The following STRA8 variants were observed in gnomAD, a reference collection of about 807,000 sequenced individuals.
STRA8 encodes stimulated by retinoic acid gene 8 protein homolog.
Under a neutral mutation model 37.1 loss-of-function variants are expected in STRA8, and 18 were observed. The observed-to-expected ratio is 0.48, with a 90% CI of 0.34 to 0.72. STRA8 has a LOEUF of 0.72. Ranked by LOEUF, STRA8 falls within the 30% of genes least tolerant of loss-of-function variation. The pLI, the probability that STRA8 is intolerant of heterozygous loss-of-function variation, is 0.01. For synonymous variants in STRA8, 168 were observed against 162.9 expected, an observed-to-expected ratio of 1.03 and a Z score of -0.24; for missense variants, 357 against 410.4, an observed-to-expected ratio of 0.87 and a Z score of 1.13.
At chr7:135,240,489 C>A (rs748354606) in intron 1 of STRA8, 30 bp from the exon 2 acceptor site, 6 of 1,410,232 alleles carry the variant, frequency 4.3e-6, no homozygotes, top group East Asian at 5.1e-5. Context: ...TTATCTAGGG[C>A]AAAAAAAAAA....
intron 8 of STRA8, among the ~76,000 whole-genome samples, chr7:135,256,454 C>T (rs1389084982): frequency 6.6e-6 from 1 of 152,170 alleles, no homozygotes; most frequent in Non-Finnish European, 1.5e-5. Flanking sequence ...CTTTGCCTCC[C>T]CTCCTTCTCC....
chr7:135,253,021 G>A (rs895684681), intron 7 of STRA8, among the ~76,000 whole-genome samples: 5 of 151,878 alleles, frequency 3.3e-5, no homozygotes, highest in Admixed American at 2.0e-4. Context: ...TGCAACCTCC[G>A]CCTCCTGGGT....
At chr7:135,254,781 C>T (rs1203957120) in intron 7 of STRA8, among the ~76,000 whole-genome samples, 1 of 152,184 alleles carries the variant, frequency 6.6e-6, no homozygotes, top group Non-Finnish European at 1.5e-5. Context: ...CCAGAGCTGC[C>T]TCAGCAGCCA....
At chr7:135,254,429 G>A (rs1832677663) in intron 7 of STRA8, among the ~76,000 whole-genome samples, 1 of 152,206 alleles carries the variant, frequency 6.6e-6, no homozygotes, top group Non-Finnish European at 1.5e-5. Flanking sequence ...GAAGCCCTTT[G>A]AAGCAGGGTC....
At chr7:135,234,779 A>G (rs569884513) in intron 1 of STRA8, among the ~76,000 whole-genome samples, 9 of 152,382 alleles carry the variant, frequency 5.9e-5, no homozygotes, top group Non-Finnish European at 1.0e-4. Flanking sequence ...AGAAGGTATC[A>G]ACGAAGCTGC....
Position 135,246,223 on chromosome 7 carries a change from T to A in STRA8, c.594-194T>A. 1.4e-6 allele frequency: 1 copy of A among 729,546 alleles called. No homozygotes were observed. The allele number at this position is 729,546 out of a possible 1,614,324, so 45.2% of individuals were successfully genotyped here. A position where few individuals can be genotyped will look rare whatever the true frequency, so the allele number is the denominator to read the frequency against. On this transcript the variant is annotated intron_variant, in intron 5 of 8. Transcript: ENST00000662584. This position sits in a 1 kb window ranked among gnomAD's most constrained non-coding sequence, Gnocchi z 5.4. The stretch of plus-strand genomic sequence containing the variant: ...GGGGAGGGGCCCCAAAGCCCAAGTC[T>A]ATGTCCTTCATGGCCCCCAGGAAGG...
rs949208173 is a variant in STRA8 at position 135,258,505 on chromosome 7, G to A, written c.*13G>A. Reference sequence around the variant, plus strand: ...TGAAGATTTGTAATGCAGAAGAGGAGCTGCGAGGGGAGGGACTGAATGAGG... The same window carrying A: ...TGAAGATTTGTAATGCAGAAGAGGAACTGCGAGGGGAGGGACTGAATGAGG... On this transcript the variant is annotated 3_prime_UTR_variant, in exon 9 of 9. Coordinates refer to ENST00000662584, the MANE Select transcript of STRA8 (RefSeq NM_001394401.1). 1.3e-6 allele frequency: 2 copies of A among 1,579,552 alleles called. No individual in the cohort carries two copies. Among genetic ancestry groups the A allele is most frequent in the Non-Finnish European group, 1.7e-6 (2 of 1,160,824 alleles).
chr7:135,254,991 C>A, intron 7 of STRA8, 123 bp from the exon 8 acceptor site: 2 of 755,426 alleles, frequency 2.6e-6, no homozygotes, highest in Non-Finnish European at 4.7e-6. Context: ...GAGGTCTGGG[C>A]TGTCTGAGAA....
intron 7 of STRA8, 53 bp from the exon 8 acceptor site, chr7:135,255,061 T>A: frequency 7.0e-7 from 1 of 1,427,608 alleles, no homozygotes; most frequent in Non-Finnish European, 9.9e-7. Flanking sequence ...GAAGCAGAGT[T>A]GAAAGATCAG....
At chr7:135,251,345 C>T (rs1456477920) in intron 6 of STRA8, among the ~76,000 whole-genome samples, 1 of 152,188 alleles carries the variant, frequency 6.6e-6, no homozygotes, top group Non-Finnish European at 1.5e-5. Flanking sequence ...GTTGGCCTGC[C>T]TGCAGCCTAA....
intron 3 of STRA8, 112 bp from the exon 4 acceptor site, chr7:135,243,214 C>T (rs1214029956): frequency 3.8e-6 from 4 of 1,053,516 alleles, no homozygotes; most frequent in Non-Finnish European, 5.7e-6. Flanking sequence ...CTAATGCTGA[C>T]CCTGGAGGGT....
At chr7:135,232,386 G>A (rs1388186647), upstream of STRA8, among the ~76,000 whole-genome samples, 1 of 151,908 alleles carries the variant, frequency 6.6e-6, no homozygotes, top group Non-Finnish European at 1.5e-5. Context: ...CCTAGGTCAA[G>A]GGCTGCGTGA....
At chr7:135,234,436 T>G (rs1832341295) in intron 1 of STRA8, among the ~76,000 whole-genome samples, 2 of 152,184 alleles carry the variant, frequency 1.3e-5, no homozygotes, top group African/African-American at 4.8e-5. Flanking sequence ...CATAATTTGA[T>G]ATAGATAGAA....
At chr7:135,251,468 T>C (rs1350308380) in intron 6 of STRA8, among the ~76,000 whole-genome samples, 1 of 152,186 alleles carries the variant, frequency 6.6e-6, no homozygotes, top group East Asian at 1.9e-4. Context: ...GAGGTTTTTC[T>C]CAGTGGTAAA....
intron 6 of STRA8, among the ~76,000 whole-genome samples, chr7:135,249,078 C>T (rs994899626): frequency 2.0e-5 from 3 of 152,192 alleles, no homozygotes; most frequent in Admixed American, 6.5e-5. Context: ...ATGAAGAAAA[C>T]GAAAGGAAAA....
chr7:135,249,047 T>C (rs1832604047), intron 6 of STRA8, among the ~76,000 whole-genome samples: 1 of 152,114 alleles, frequency 6.6e-6, no homozygotes, highest in Non-Finnish European at 1.5e-5. Context: ...AGCCCCAAAG[T>C]GCCAAGCCCT....
In STRA8 at chr7:135,246,964, C is replaced by G; in HGVS notation, c.879+262C>G. ...GGTTCACCTCATTCTCCTGCCTCAG[C>G]CTCCCGAATAGCTGGGACTACAGGC... On this transcript the variant is annotated intron_variant, in intron 6 of 8. Coordinates refer to ENST00000662584, the MANE Select transcript of STRA8 (RefSeq NM_001394401.1). The surrounding 1 kb of genome is among the most constrained non-coding windows in gnomAD (Gnocchi z 5.4). The G allele has an allele frequency of 2.2e-6, 1 of 445,898 alleles. No individual in the cohort carries two copies. Among genetic ancestry groups the G allele is most frequent in the Non-Finnish European group, 3.9e-6 (1 of 254,478 alleles). 27.6% of individuals were successfully genotyped at this position (445,898 alleles called of 1,614,324 possible).
At chr7:135,235,910 A>G (rs1832369076) in intron 1 of STRA8, among the ~76,000 whole-genome samples, 1 of 152,090 alleles carries the variant, frequency 6.6e-6, no homozygotes, top group Admixed American at 6.5e-5. Context: ...GGAGTTCAAG[A>G]CCAACCCGGG....
upstream of STRA8, among the ~76,000 whole-genome samples, chr7:135,233,675 G>A (rs924927798): frequency 4.3e-4 from 65 of 151,530 alleles, no homozygotes; most frequent in Non-Finnish European, 1.0e-4. Flanking sequence ...TGTCGCCTTC[G>A]GACAACTTGT....
Sources: allele counts gnomAD v4.1 joint callset (sites outside exome capture counted in the v4.1 genomes callset), GRCh38; gene constraint gnomAD v4.1.1; non-coding constraint Gnocchi (gnomAD v3.1); transcripts MANE v1.5; gene names NCBI Gene and HGNC (gene_info 2026-07-23, HGNC 2026-07-21).